Variants in ABCA4 observed in about 807,000 individuals in gnomAD.
ABCA4 encodes the protein retinal-specific phospholipid-transporting ATPase ABCA4.
ABCA4 carries 196 observed loss-of-function variants against 263.7 expected under a neutral mutation model. The observed-to-expected ratio is 0.74, with a 90% CI of 0.66 to 0.84. The LOEUF is 0.84. ABCA4 is among the 40% of genes least tolerant of loss of function. The probability of loss-of-function intolerance (pLI) is 0.00; values close to 1 mark genes in which losing one functional copy is unlikely to be tolerated. For missense variants in ABCA4, 2,792 were observed against 2,855.1 expected (o/e 0.98, Z 0.50); for synonymous variants, 1,133 against 1,094.2 (o/e 1.04, Z -0.70).
intron 17 of ABCA4, among the ~76,000 whole-genome samples, chr1:94,051,389 G>T (rs966331942): frequency 3.3e-5 from 5 of 152,214 alleles, no homozygotes; most frequent in African/African-American, 7.2e-5. Flanking sequence ...TACTGGACAA[G>T]GTGTACAGGA....
At chr1:94,114,423 T>A (rs1413427650) in intron 1 of ABCA4, among the ~76,000 whole-genome samples, 1 of 152,152 alleles carries the variant, frequency 6.6e-6, no homozygotes, top group Non-Finnish European at 1.5e-5. Flanking sequence ...AGGGAGGATG[T>A]GTTGGAGGAA....
At chr1:94,045,789 G>A (rs1212343103) in intron 19 of ABCA4, 2 of 456,180 alleles carry the variant, frequency 4.4e-6, no homozygotes, top group East Asian at 6.9e-5. Flanking sequence ...ATCACAGGGT[G>A]TACACGCTGT....
chr1:94,023,328 A>G, intron 32 of ABCA4, 58 bp downstream of exon 32: 1 of 1,432,432 alleles, frequency 7.0e-7, no homozygotes, highest in East Asian at 2.3e-5. Flanking sequence ...AAAAGTGTGC[A>G]ATTATTTCAA....
chr1:94,036,879 C>T, intron 25 of ABCA4, 91 bp from the exon 26 acceptor site: 1 of 1,285,498 alleles, frequency 7.8e-7, no homozygotes, highest in Admixed American at 1.7e-5. Flanking sequence ...GGTATTGCTT[C>T]ATAATGGGAA....
chr1:94,098,574 C>A (rs538221368), intron 6 of ABCA4, among the ~76,000 whole-genome samples: 2 of 152,300 alleles, frequency 1.3e-5, no homozygotes, highest in South Asian at 4.1e-4. Flanking sequence ...AAACATGCCA[C>A]AGCCACATAC....
At chr1:94,046,455 CAAAAAAA>C (rs61333901) in intron 19 of ABCA4, among the ~76,000 whole-genome samples, 5 of 42,238 alleles carry the variant, frequency 1.2e-4, no homozygotes, top group African/African-American at 1.6e-4. Flanking sequence ...GTTACTATCT[CAAAAAAA>C]AAAAAAAAAA....
intron 26 of ABCA4, among the ~76,000 whole-genome samples, chr1:94,034,516 C>G (rs1660292044): frequency 6.6e-6 from 1 of 151,950 alleles, no homozygotes; most frequent in Admixed American, 6.6e-5. Flanking sequence ...TTGTGTGACC[C>G]CAATGCACAG....
intron 26 of ABCA4, among the ~76,000 whole-genome samples, chr1:94,035,048 G>C (rs1344949821): frequency 6.6e-6 from 1 of 152,102 alleles, no homozygotes; most frequent in East Asian, 1.9e-4. Context: ...TTTGATATTT[G>C]GTCGGCCTCA....
At chr1:93,997,305 T>G (rs955187040) in intron 48 of ABCA4, among the ~76,000 whole-genome samples, 11 of 152,268 alleles carry the variant, frequency 7.2e-5, no homozygotes, top group Admixed American at 1.3e-4. Context: ...TCACCCAGAC[T>G]AGAGTGCAGT....
At chr1:94,045,671 A>T (rs148791356) in intron 19 of ABCA4, 302 of 445,988 alleles carry the variant, frequency 6.8e-4, no homozygotes, top group African/African-American at 5.5e-3. Context: ...ACTTGTCCTG[A>T]TGGAGAAGCC....
intron 20 of ABCA4, 50 bp from the exon 21 acceptor site, chr1:94,043,525 C>A: frequency 6.2e-7 from 1 of 1,610,958 alleles, no homozygotes; most frequent in Non-Finnish European, 8.5e-7. Flanking sequence ...CTTCCACTTC[C>A]AGCAGCTGAT....
At chr1:94,081,150 G>C (rs1417022664) in intron 7 of ABCA4, among the ~76,000 whole-genome samples, 29 of 152,072 alleles carry the variant, frequency 1.9e-4, no homozygotes, top group Admixed American at 1.9e-3. Flanking sequence ...GCGTGAACCT[G>C]GGGGGCAGAG....
intron 44 of ABCA4, among the ~76,000 whole-genome samples, chr1:94,005,112 A>C (rs1382899098): frequency 6.6e-6 from 1 of 152,262 alleles, no homozygotes; most frequent in Non-Finnish European, 1.5e-5. Flanking sequence ...TACAAATGCA[A>C]TGGATCACCT....
At position 94,116,955 on chromosome 1, in the gene ABCA4, CCTTTCTTTCTTTCTCTTTCTTTCTTT is replaced by C. The variant is rs200386335; in HGVS notation, c.67-3915_67-3890del. Among the ~76,000 whole-genome samples the C allele has an allele frequency of 5.3e-3, 714 of 134,890 alleles. 10 individuals carry two copies. The highest frequency in any genetic ancestry group is 0.032 in the Middle Eastern group (9 of 278). 88.5% of individuals were successfully genotyped at this position (134,890 alleles called of 152,430 possible). The stretch of plus-strand genomic sequence containing the variant: ...TTCTTTTCCCCTTCCCTCCCTCCCT[CCTTTCTTTCTTTCTCTTTCTTTCTTT>C]CTTTCTTTCTTTCTTTCTTTCTTTC... On this transcript the variant is annotated intron_variant, in intron 1 of 49. Transcript: ENST00000370225.
At position 94,031,018 on chromosome 1, in the gene ABCA4, C is replaced by A. The variant is rs779039734; in HGVS notation, c.4231G>T (p.Gly1411Trp). 1 of 1,614,002 alleles carries A rather than the reference C, an allele frequency of 6.2e-7. No homozygotes were observed. The highest frequency in any genetic ancestry group is 8.5e-7 in the Non-Finnish European group (1 of 1,179,978). The change falls in exon 28 of 50, where the codon GGG (glycine) becomes TGG (tryptophan). Residue 1411 changes from glycine (G) to tryptophan (W), a missense_variant. Transcript: ENST00000370225. ...CACCTGAAGAAGGTGTACTGCTGCC[C>A]ATATATCCAGGGGTGAAGGGTCAAA... ...PALTLHPWIY[G>W]QQYTFFSMDE...
At chr1:94,044,588 C>T (rs762520805) in intron 20 of ABCA4, 25 bp downstream of exon 20, 88 of 1,614,038 alleles carry the variant, frequency 5.5e-5, no homozygotes, top group Non-Finnish European at 6.5e-5. Flanking sequence ...GGGGATGGGG[C>T]GGTCTCAGTT....
In ABCA4 at chr1:94,005,573, G is replaced by C; in HGVS notation, c.6015C>G (p.Thr2005=). The change falls in exon 44 of 50, where the codon ACC becomes ACG. Residue 2005 remains threonine (T), a synonymous_variant. Transcript: ENST00000370225. ...DATVAGKSIL[T]NISEVHQNMG... ...TATTTTGATGGACTTCAGAAATATTGGTTAAAATACTGCAAGAAAAAAAGC... is the reference window on the plus strand; with the variant it reads ...TATTTTGATGGACTTCAGAAATATTCGTTAAAATACTGCAAGAAAAAAAGC... 6.2e-7 allele frequency: 1 copy of C among 1,613,966 alleles called. No homozygotes were observed. The highest frequency in any genetic ancestry group is 1.6e-4 in the Middle Eastern group (1 of 6,062).
At chr1:94,120,887 G>GGGCC in intron 1 of ABCA4, 93 bp downstream of exon 1, 3 of 339,360 alleles carry the variant, frequency 8.8e-6, no homozygotes, top group Non-Finnish European at 1.6e-5. Flanking sequence ...CCCCCACCCT[G>GGGCC]CCCCACCACC....
At chr1:94,001,255 G>A (rs943689275) in intron 45 of ABCA4, 150 bp from the exon 46 acceptor site, 9 of 664,626 alleles carry the variant, frequency 1.4e-5, no homozygotes, top group Admixed American at 9.3e-5. Context: ...GGGTACCCTG[G>A]TGTAGGGTAG....
Sources: allele counts gnomAD v4.1 joint callset (sites outside exome capture counted in the v4.1 genomes callset), GRCh38; gene constraint gnomAD v4.1.1; transcripts MANE v1.5; gene names NCBI Gene and HGNC (gene_info 2026-07-23, HGNC 2026-07-21).